The following ASH1L variants were observed in gnomAD, a reference collection of about 807,000 sequenced individuals.
ASH1L encodes the protein histone-lysine N-methyltransferase ASH1L.
Under a neutral mutation model 269.0 loss-of-function variants are expected in ASH1L, and 23 were observed. The observed-to-expected ratio is 0.09, with a 90% CI of 0.06 to 0.12. The LOEUF is 0.12. Among genes scored for constraint, ASH1L ranks in the 10% least tolerant of loss-of-function variants. The probability of loss-of-function intolerance (pLI) is 1.00; values close to 1 mark genes in which losing one functional copy is unlikely to be tolerated. For synonymous variants in ASH1L, 1,187 were observed against 1,253.5 expected, an observed-to-expected ratio of 0.95 and a Z score of 1.12; for missense variants, 2,912 against 3,567.8, an observed-to-expected ratio of 0.82 and a Z score of 4.68.
intron 6 of ASH1L, among the ~76,000 whole-genome samples, chr1:155,397,792 C>T (rs1658489776): frequency 6.6e-6 from 1 of 152,102 alleles, no homozygotes; most frequent in African/African-American, 2.4e-5. Flanking sequence ...GAACTCCTGA[C>T]CTCAGGTGAT....
At chr1:155,483,114 T>C (rs1666069479) in intron 2 of ASH1L, among the ~76,000 whole-genome samples, 1 of 152,196 alleles carries the variant, frequency 6.6e-6, no homozygotes, top group Non-Finnish European at 1.5e-5. Context: ...GAATCCTCAC[T>C]ATATACTCTA....
At chr1:155,543,001 C>CT (rs35484641) in intron 1 of ASH1L, among the ~76,000 whole-genome samples, 69 of 150,910 alleles carry the variant, frequency 4.6e-4, no homozygotes, top group South Asian at 1.3e-3. Flanking sequence ...CTTGTTATTA[C>CT]TTTTTTTTTA....
At chr1:155,408,949 GAA>G (rs10618305) in intron 6 of ASH1L, among the ~76,000 whole-genome samples, 3,111 of 149,104 alleles carry the variant, frequency 0.021, 103 homozygotes, top group African/African-American at 0.073. Flanking sequence ...AGTTTACGGA[GAA>G]AAAAAAAGAG....
chr1:155,421,620 G>A (rs966463776), intron 5 of ASH1L, among the ~76,000 whole-genome samples: 40 of 150,788 alleles, frequency 2.7e-4, no homozygotes, highest in Non-Finnish European at 4.7e-4. Flanking sequence ...GCAGTGAGCC[G>A]AGATCACGCC....
chr1:155,516,437 T>C (rs1308060983), intron 2 of ASH1L, among the ~76,000 whole-genome samples: 2 of 152,096 alleles, frequency 1.3e-5, no homozygotes, highest in Non-Finnish European at 2.9e-5. Flanking sequence ...CCCTAAAACA[T>C]CAACAAATTG....
chr1:155,349,247 G>A, intron 19 of ASH1L, 80 bp downstream of exon 19: 3 of 1,485,306 alleles, frequency 2.0e-6, no homozygotes, highest in Non-Finnish European at 2.7e-6. Context: ...GCTGATAGAG[G>A]AGGGTAAAAA....
intron 17 of ASH1L, among the ~76,000 whole-genome samples, chr1:155,350,032 G>C (rs1164122817): frequency 1.3e-5 from 2 of 151,886 alleles, no homozygotes; most frequent in Admixed American, 1.3e-4. Context: ...TGGGACTACA[G>C]GTACCCGCCA....
rs775408719 is a variant in ASH1L at position 155,395,520 on chromosome 1, C to A, written c.6042G>T (p.Glu2014Asp). 3.1e-6 allele frequency: 5 copies of A among 1,611,120 alleles called. No individual in the cohort carries two copies. The Admixed American group carries it at 5.1e-5, about 16-fold the overall frequency. Residue 2014 changes from glutamate (E) to aspartate (D), a missense_variant, in exon 7 of 28, where the codon GAG becomes GAT. Transcript: ENST00000392403. ...GCTCTCCTGGAGTATACTCCAGCTT[C>A]TCTTTCTTTAATTGGATCAATCGAC... ...PKSRLIQLKKEKLEYTPGEHE... is the reference protein window; with the variant it reads ...PKSRLIQLKKDKLEYTPGEHE...
chr1:155,351,870 AAAAT>A (rs752475539), intron 17 of ASH1L, among the ~76,000 whole-genome samples: 2,391 of 151,608 alleles, frequency 0.016, 42 homozygotes, highest in Non-Finnish European at 0.027. Flanking sequence ...AAAGTAAAAT[AAAAT>A]AAATAAATAA....
chr1:155,518,986 C>T (rs1668686356), intron 2 of ASH1L, among the ~76,000 whole-genome samples: 1 of 152,038 alleles, frequency 6.6e-6, no homozygotes, highest in Non-Finnish European at 1.5e-5. Flanking sequence ...AAATAATTAC[C>T]GTATGACCCA....
intron 4 of ASH1L, among the ~76,000 whole-genome samples, chr1:155,457,324 T>C (rs565485891): frequency 1.4e-4 from 21 of 152,322 alleles, no homozygotes; most frequent in Non-Finnish European, 2.5e-4. Flanking sequence ...ATATATGATA[T>C]AGTCCCCATT....
At chr1:155,542,245 C>G (rs1316088620) in intron 1 of ASH1L, among the ~76,000 whole-genome samples, 1 of 152,082 alleles carries the variant, frequency 6.6e-6, no homozygotes, top group Non-Finnish European at 1.5e-5. Context: ...AAGATTTTCC[C>G]ATTAATAAAT....
chr1:155,348,949 T>A (rs533342396), intron 19 of ASH1L, among the ~76,000 whole-genome samples: 1 of 147,950 alleles, frequency 6.8e-6, no homozygotes, highest in Non-Finnish European at 1.5e-5. Context: ...CACACACATA[T>A]AAACATTTAC....
At chr1:155,558,184 G>A (rs1199529662) in intron 1 of ASH1L, among the ~76,000 whole-genome samples, 3 of 152,148 alleles carry the variant, frequency 2.0e-5, no homozygotes, top group Admixed American at 6.6e-5. Flanking sequence ...ATTAAGAAGT[G>A]ATGTGCAGGT....
intron 1 of ASH1L, among the ~76,000 whole-genome samples, chr1:155,552,877 A>C (rs1671311629): frequency 1.3e-5 from 2 of 152,188 alleles, no homozygotes; most frequent in South Asian, 4.1e-4. Flanking sequence ...GAAGAAAATA[A>C]ATAACTAAAA....
chr1:155,380,233 TAAGG>T, intron 7 of ASH1L, 117 bp from the exon 8 acceptor site: 2 of 722,572 alleles, frequency 2.8e-6, no homozygotes, highest in Non-Finnish European at 4.4e-6. Context: ...TTTAATTCTT[TAAGG>T]ATTTTTCCAT....
At chr1:155,540,030 C>T (rs924481563) in intron 1 of ASH1L, among the ~76,000 whole-genome samples, 8 of 151,860 alleles carry the variant, frequency 5.3e-5, no homozygotes, top group African/African-American at 1.9e-4. Flanking sequence ...GATTGCACCA[C>T]TGACTCCAGC....
intron 17 of ASH1L, 110 bp from the exon 18 acceptor site, chr1:155,349,706 A>G (rs1422172995): frequency 3.4e-5 from 24 of 708,514 alleles, no homozygotes; most frequent in Non-Finnish European, 4.7e-5. Context: ...GAAAAATCCA[A>G]GTCTTTTTTT....
chr1:155,353,224 T>C (rs533944893), intron 16 of ASH1L, among the ~76,000 whole-genome samples: 3 of 152,186 alleles, frequency 2.0e-5, no homozygotes, highest in Non-Finnish European at 2.9e-5. Flanking sequence ...ATGAGAACAA[T>C]GGTAGTACTT....
Sources: allele counts gnomAD v4.1 joint callset (sites outside exome capture counted in the v4.1 genomes callset), GRCh38; gene constraint gnomAD v4.1.1; transcripts MANE v1.5; gene names NCBI Gene and HGNC (gene_info 2026-07-23, HGNC 2026-07-21).